The following GAS1 variants were observed in gnomAD, a reference collection of about 807,000 sequenced individuals.
GAS1 encodes the protein growth arrest specific 1, also known as growth arrest-specific protein 1.
GAS1 carries 10 observed loss-of-function variants against 21.6 expected under a neutral mutation model. That is an observed-to-expected ratio of 0.46 (90% CI 0.29 to 0.79). GAS1 has a LOEUF of 0.79. Among genes scored for constraint, GAS1 ranks in the 30% least tolerant of loss-of-function variants. The pLI is 0.10. For missense variants in GAS1, 567 were observed against 544.3 expected (o/e 1.04, Z -0.42); for synonymous variants, 332 against 264.0 (o/e 1.26, Z -2.50).
Position 86,946,951 on chromosome 9 carries a change from C to CT in GAS1, c.-173dup, listed in dbSNP as rs1282354092. The stretch of plus-strand genomic sequence containing the variant: ...TGCCCCGCTGGTGGCAGAAGGTCCC[C>CT]TTTCGCTCTGGCTGCGGTGGCTTCC... On this transcript the variant is annotated 5_prime_UTR_variant, in exon 1 of 1. Coordinates refer to ENST00000298743, the MANE Select transcript of GAS1 (RefSeq NM_002048.3). This position sits in a 1 kb window ranked among gnomAD's most constrained non-coding sequence, Gnocchi z 5.2. 2 of 336,888 alleles carry CT rather than the reference C, an allele frequency of 5.9e-6. No individual in the cohort carries two copies. Among genetic ancestry groups the CT allele is most frequent in the Non-Finnish European group, 1.1e-5 (2 of 178,374 alleles). 20.9% of individuals were successfully genotyped at this position (336,888 alleles called of 1,614,324 possible).
At position 86,946,607 on chromosome 9, in the gene GAS1, T is replaced by TC; in HGVS notation, c.172dup (p.Glu58GlyfsTer72). ...GTTGTAGGCGTAGCTGCACTCCGGC[T>TC]CCCCCTGGCACTGCAGCAGCGCCTG... On this transcript the variant is annotated frameshift_variant, in exon 1 of 1. Transcript: ENST00000298743. LOFTEE classifies it high-confidence loss of function. The surrounding 1 kb of genome is among the most constrained non-coding windows in gnomAD (Gnocchi z 5.2). The TC allele has an allele frequency of 6.9e-7, 1 of 1,448,904 alleles. No individual in the cohort carries two copies. The highest frequency in any genetic ancestry group is 1.3e-5 in the South Asian group (1 of 75,870). The allele number at this position is 1,448,904 out of a possible 1,614,324, so 89.8% of individuals were successfully genotyped here.
At position 86,947,030 on chromosome 9, in the gene GAS1, C is replaced by T; in HGVS notation, c.-251G>A. On this transcript the variant is annotated 5_prime_UTR_variant, in exon 1 of 1. Coordinates refer to ENST00000298743, the MANE Select transcript of GAS1 (RefSeq NM_002048.3). ...CCCGCTCTCCCACCCGAGAGCCCTC[C>T]GCTCGGCCCCCGGTGGTGGCGGGAG... The T allele has an allele frequency of 3.6e-6, 1 of 280,268 alleles. No homozygotes were observed. Among genetic ancestry groups the T allele is most frequent in the Non-Finnish European group, 7.0e-6 (1 of 142,970 alleles). 17.4% of individuals were successfully genotyped at this position (280,268 alleles called of 1,614,324 possible). A position where few individuals can be genotyped will look rare whatever the true frequency, so the allele number is the denominator to read the frequency against.
In GAS1 at chr9:86,946,133, G is replaced by T; in HGVS notation, c.647C>A (p.Ala216Glu). Reference protein sequence around the residue: ...VIEDMLAMPKAALLNDCVCDG... With the variant: ...VIEDMLAMPKEALLNDCVCDG... ...GCACACGCAGTCGTTGAGCAGCGCC[G>T]CCTTGGGCATAGCCAGCATGTCCTC... The change falls in exon 1 of 1, where the codon GCG (alanine) becomes GAG (glutamate). Residue 216 changes from alanine (A) to glutamate (E), a missense_variant. Coordinates refer to ENST00000298743, the MANE Select transcript of GAS1 (RefSeq NM_002048.3). This position sits in a 1 kb window ranked among gnomAD's most constrained non-coding sequence, Gnocchi z 5.2. 1 of 1,609,082 alleles carries T rather than the reference G, an allele frequency of 6.2e-7. No individual in the cohort carries two copies.
Position 86,945,639 on chromosome 9 carries a change from T to A in GAS1, c.*103A>T. 3.5e-6 allele frequency: 4 copies of A among 1,150,330 alleles called. No homozygotes were observed. The highest frequency in any genetic ancestry group is 3.4e-6 in the Non-Finnish European group (3 of 872,562). The allele number at this position is 1,150,330 out of a possible 1,614,324, so 71.3% of individuals were successfully genotyped here. ...AAGTTTTGGGAAGTATCCCCAACCA[T>A]CCCTTCTATCTGTCCCAAGCCACAG... is the stretch of plus-strand genomic sequence containing the variant. On this transcript the variant is annotated 3_prime_UTR_variant, in exon 1 of 1. Coordinates refer to ENST00000298743, the MANE Select transcript of GAS1 (RefSeq NM_002048.3).
In GAS1 at chr9:86,946,352, A is replaced by G. The variant is rs1277548531; in HGVS notation, c.428T>C (p.Ile143Thr). Residue 143 changes from isoleucine to threonine, a missense_variant, in exon 1 of 1, where the codon ATT becomes ACT. Transcript: ENST00000298743. The surrounding 1 kb of genome is among the most constrained non-coding windows in gnomAD (Gnocchi z 5.2). Reference sequence around the variant, plus strand: ...GCTCGTCCGGGGCAGGCACGGCTCAATGGCGCGCTTGGTGGACTTGCAGTT... The same window carrying G: ...GCTCGTCCGGGGCAGGCACGGCTCAGTGGCGCGCTTGGTGGACTTGCAGTT... ...DENCKSTKRA[I>T]EPCLPRTSGG... The G allele has an allele frequency of 1.4e-6, 2 of 1,465,430 alleles. No homozygotes were observed. Among genetic ancestry groups the G allele is most frequent in the Non-Finnish European group, 1.8e-6 (2 of 1,110,908 alleles). 90.8% of individuals were successfully genotyped at this position (1,465,430 alleles called of 1,614,324 possible).
chr9:86,945,824 C>T lies in GAS1; in HGVS notation c.956G>A (p.Gly319Asp), dbSNP rs1355462021. 3.3e-6 allele frequency: 5 copies of T among 1,514,794 alleles called. No homozygotes were observed. The East Asian group carries it at 1.3e-4, about 40-fold the overall frequency. The allele number at this position is 1,514,794 out of a possible 1,614,324, so 93.8% of individuals were successfully genotyped here. The change falls in exon 1 of 1, where the codon GGC becomes GAC. Residue 319 changes from glycine (G) to aspartate (D), a missense_variant. Coordinates refer to ENST00000298743, the MANE Select transcript of GAS1 (RefSeq NM_002048.3). ...CCGGGGCGCCAAGCGGCCGCCGCCG[C>T]CGCTGCTCCTGCGCCCAGGCCCATA... ...LPYGPGRRSS[G>D]GGGRLAPRGA...
At position 86,947,331 on chromosome 9, in the gene GAS1, C is replaced by T. The variant is rs1038919446; in HGVS notation, c.-552G>A. ...TTCCCGCGGCCCGGCCGCCCCGCGT[C>T]CCCTCCCCCTCCGCCCGCGGCAACC... On this transcript the variant is annotated 5_prime_UTR_variant, in exon 1 of 1. Transcript: ENST00000298743. 1.1e-4 allele frequency: 17 copies of T among 151,612 alleles called. No individual in the cohort carries two copies. Among genetic ancestry groups the T allele is most frequent in the Non-Finnish European group, 2.1e-4 (14 of 67,886 alleles). 9.4% of individuals were successfully genotyped at this position (151,612 alleles called of 1,614,324 possible). A position where few individuals can be genotyped will look rare whatever the true frequency, so the allele number is the denominator to read the frequency against.
Position 86,947,069 on chromosome 9 carries a change from C to A in GAS1, c.-290G>T. ...TGGTGGCGGGAGAGGCTCACTGTCG[C>A]CCCGGGGGGGTGCGGGCCGCGGGGC... On this transcript the variant is annotated 5_prime_UTR_variant, in exon 1 of 1. Coordinates refer to ENST00000298743, the MANE Select transcript of GAS1 (RefSeq NM_002048.3). 4.2e-6 allele frequency: 1 copy of A among 240,336 alleles called. No individual in the cohort carries two copies. Among genetic ancestry groups the A allele is most frequent in the Non-Finnish European group, 8.5e-6 (1 of 117,610 alleles). The allele number at this position is 240,336 out of a possible 1,614,324, so 14.9% of individuals were successfully genotyped here.
In GAS1 at chr9:86,944,609, A is replaced by G. The variant is rs1825453418; in HGVS notation, c.*1133T>C. 6.6e-6 allele frequency: 1 copy of G among 152,222 alleles called. No homozygotes were observed. Among genetic ancestry groups the G allele is most frequent in the African/African-American group, 2.4e-5 (1 of 41,458 alleles). The allele number at this position is 152,222 out of a possible 1,614,324, so 9.4% of individuals were successfully genotyped here. A position where few individuals can be genotyped will look rare whatever the true frequency, so the allele number is the denominator to read the frequency against. On this transcript the variant is annotated 3_prime_UTR_variant, in exon 1 of 1. Coordinates refer to ENST00000298743, the MANE Select transcript of GAS1 (RefSeq NM_002048.3). ...TACATTTTAAGACTGTTCTAAATATAGCACACTTCACAATGGACTGTGGGT... is the reference window on the plus strand; with the variant it reads ...TACATTTTAAGACTGTTCTAAATATGGCACACTTCACAATGGACTGTGGGT...
Position 86,946,413 on chromosome 9 carries a change from G to C in GAS1, c.367C>G (p.Pro123Ala). 1.3e-6 allele frequency: 2 copies of C among 1,491,896 alleles called. No individual in the cohort carries two copies. The highest frequency in any genetic ancestry group is 2.8e-5 in the East Asian group (1 of 36,354). 92.4% of individuals were successfully genotyped at this position (1,491,896 alleles called of 1,614,324 possible). A position where few individuals can be genotyped will look rare whatever the true frequency, so the allele number is the denominator to read the frequency against. ...LIQLNHTRRG[P>A]ALEDCDCAQD... ...GCGCAGTCACAGTCCTCCAGGGCGG[G>C]CCCGCGGCGCGTGTGGTTGAGCTGA... Residue 123 changes from proline (P) to alanine (A), a missense_variant, in exon 1 of 1, where the codon CCC (proline) becomes GCC (alanine). Physicochemically the swap from Pro to Ala is conservative, Grantham distance 27 (BLOSUM62 -1). Coordinates refer to ENST00000298743, the MANE Select transcript of GAS1 (RefSeq NM_002048.3). This position sits in a 1 kb window ranked among gnomAD's most constrained non-coding sequence, Gnocchi z 5.2.
At position 86,946,380 on chromosome 9, in the gene GAS1, C is replaced by T. The variant is rs774972884; in HGVS notation, c.400G>A (p.Glu134Lys). 1.9e-5 allele frequency: 28 copies of T among 1,478,724 alleles called. No individual in the cohort carries two copies. The highest frequency in any genetic ancestry group is 6.6e-5 in the Admixed American group (3 of 45,498). 91.6% of individuals were successfully genotyped at this position (1,478,724 alleles called of 1,614,324 possible). ...ALEDCDCAQD[E>K]NCKSTKRAIE... ...GCGCGCTTGGTGGACTTGCAGTTCT[C>T]GTCCTGCGCGCAGTCACAGTCCTCC... The change falls in exon 1 of 1, where the codon GAG becomes AAG. Residue 134 changes from glutamate (E) to lysine (K), a missense_variant. Coordinates refer to ENST00000298743, the MANE Select transcript of GAS1 (RefSeq NM_002048.3). The surrounding 1 kb of genome is among the most constrained non-coding windows in gnomAD (Gnocchi z 5.2).
In GAS1 at chr9:86,945,732, G is replaced by A. The variant is rs758991804; in HGVS notation, c.*10C>T. Reference sequence around the variant, plus strand: ...GGCTCTCCCGCAGCCAACGGCGGGGGGCGCGAGGGCTAAAAGAGCGGCCCA... The same window carrying A: ...GGCTCTCCCGCAGCCAACGGCGGGGAGCGCGAGGGCTAAAAGAGCGGCCCA... On this transcript the variant is annotated 3_prime_UTR_variant, in exon 1 of 1. Coordinates refer to ENST00000298743, the MANE Select transcript of GAS1 (RefSeq NM_002048.3). 4 of 1,529,730 alleles carry A rather than the reference G, an allele frequency of 2.6e-6. No homozygotes were observed. Among genetic ancestry groups the A allele is most frequent in the African/African-American group, 1.4e-5 (1 of 70,506 alleles). The allele number at this position is 1,529,730 out of a possible 1,614,324, so 94.8% of individuals were successfully genotyped here.
chr9:86,946,684 G>T lies in GAS1; in HGVS notation c.96C>A (p.Gly32=). ...LCLMALLQLL[G]SAPRGSGLAH... ...CCAGCCCCGATCCCCGCGGCGCCGA[G>T]CCCAGCAGCTGCAGCAGCGCCATCA... The change falls in exon 1 of 1, where the codon GGC becomes GGA. Residue 32 remains glycine (G), a synonymous_variant. Transcript: ENST00000298743. The surrounding 1 kb of genome is among the most constrained non-coding windows in gnomAD (Gnocchi z 5.2). 1 of 1,417,986 alleles carries T rather than the reference G, an allele frequency of 7.1e-7. No homozygotes were observed. The highest frequency in any genetic ancestry group is 9.2e-7 in the Non-Finnish European group (1 of 1,084,866). 87.8% of individuals were successfully genotyped at this position (1,417,986 alleles called of 1,614,324 possible).
chr9:86,946,642 G>A lies in GAS1; in HGVS notation c.138C>T (p.Leu46=), dbSNP rs377687768. The change falls in exon 1 of 1, where the codon CTC becomes CTT. Residue 46 remains leucine (L), a synonymous_variant. Transcript: ENST00000298743. This position sits in a 1 kb window ranked among gnomAD's most constrained non-coding sequence, Gnocchi z 5.2. ...ACTGCAGCAGCGCCTGCCAGCAGATGAGGCGGCGGCCGTGCGCCAGCCCCG... is the reference window on the plus strand; with the variant it reads ...ACTGCAGCAGCGCCTGCCAGCAGATAAGGCGGCGGCCGTGCGCCAGCCCCG... ...RGSGLAHGRR[L]ICWQALLQCQ... is the part of the protein sequence containing the mutation. The A allele has an allele frequency of 6.2e-6, 9 of 1,448,262 alleles. No individual in the cohort carries two copies. Among genetic ancestry groups the A allele is most frequent in the Admixed American group, 4.7e-5 (2 of 42,728 alleles). The allele number at this position is 1,448,262 out of a possible 1,614,324, so 89.7% of individuals were successfully genotyped here. A position where few individuals can be genotyped will look rare whatever the true frequency, so the allele number is the denominator to read the frequency against.
chr9:86,946,810 G>C lies in GAS1; in HGVS notation c.-31C>G. ...GCAGCGGCGGCCGCCGGGAGAGGAG[G>C]GGAAAGGAGACGAGGCGCGGGGAGC... On this transcript the variant is annotated 5_prime_UTR_variant, in exon 1 of 1. Coordinates refer to ENST00000298743, the MANE Select transcript of GAS1 (RefSeq NM_002048.3). The surrounding 1 kb of genome is among the most constrained non-coding windows in gnomAD (Gnocchi z 5.2). 4.5e-6 allele frequency: 3 copies of C among 663,066 alleles called. No homozygotes were observed. Among genetic ancestry groups the C allele is most frequent in the Non-Finnish European group, 6.8e-6 (3 of 440,984 alleles). 41.1% of individuals were successfully genotyped at this position (663,066 alleles called of 1,614,324 possible).
chr9:86,945,716 G>A lies in GAS1; in HGVS notation c.*26C>T, dbSNP rs1030067541. ...ACGGGAGTGGGACGCGGGCTCTCCC[G>A]CAGCCAACGGCGGGGGGCGCGAGGG... On this transcript the variant is annotated 3_prime_UTR_variant, in exon 1 of 1. Transcript: ENST00000298743. 3.3e-6 allele frequency: 5 copies of A among 1,517,834 alleles called. No individual in the cohort carries two copies. The highest frequency in any genetic ancestry group is 2.9e-5 in the African/African-American group (2 of 69,878). 94.0% of individuals were successfully genotyped at this position (1,517,834 alleles called of 1,614,324 possible). A position where few individuals can be genotyped will look rare whatever the true frequency, so the allele number is the denominator to read the frequency against.
Position 86,946,510 on chromosome 9 carries a change from G to T in GAS1, c.270C>A (p.Ala90=). ...AAGAGGCGGCCGAGGCCGGGAAAGC[G>T]GCGGCGGCGGCCCCGGGCGCGTCGC... The part of the protein sequence containing the change: ...GGGDAPGAAA[A]AFPASAASFS... Residue 90 remains alanine, a synonymous_variant, in exon 1 of 1, where the codon GCC becomes GCA. Transcript: ENST00000298743. The surrounding 1 kb of genome is among the most constrained non-coding windows in gnomAD (Gnocchi z 5.2). 10 of 1,434,810 alleles carry T rather than the reference G, an allele frequency of 7.0e-6. No individual in the cohort carries two copies. The highest frequency in any genetic ancestry group is 9.1e-6 in the Non-Finnish European group (10 of 1,094,566). 88.9% of individuals were successfully genotyped at this position (1,434,810 alleles called of 1,614,324 possible). A position where few individuals can be genotyped will look rare whatever the true frequency, so the allele number is the denominator to read the frequency against.
In GAS1 at chr9:86,944,435, T is replaced by C. The variant is rs1184246586; in HGVS notation, c.*1307A>G. On this transcript the variant is annotated 3_prime_UTR_variant, in exon 1 of 1. Coordinates refer to ENST00000298743, the MANE Select transcript of GAS1 (RefSeq NM_002048.3). ...TAACCAAAAAAAATACACAAATCCA[T>C]AGTTATTTAAAAACTTAGGATTTTT... 1.3e-5 allele frequency: 2 copies of C among 152,166 alleles called. No individual in the cohort carries two copies. The highest frequency in any genetic ancestry group is 4.8e-5 in the African/African-American group (2 of 41,438). The allele number at this position is 152,166 out of a possible 1,614,324, so 9.4% of individuals were successfully genotyped here.
At position 86,945,467 on chromosome 9, in the gene GAS1, T is replaced by C. The variant is rs569121100; in HGVS notation, c.*275A>G. The C allele has an allele frequency of 5.8e-6, 2 of 345,188 alleles. No individual in the cohort carries two copies. Among genetic ancestry groups the C allele is most frequent in the Admixed American group, 4.8e-5 (1 of 20,716 alleles). The allele number at this position is 345,188 out of a possible 1,614,324, so 21.4% of individuals were successfully genotyped here. A position where few individuals can be genotyped will look rare whatever the true frequency, so the allele number is the denominator to read the frequency against. ...GACGTCCTGAACACTGCAGCTAGCT[T>C]TCTGGACGGCAGACGAGTTGGGAGT... On this transcript the variant is annotated 3_prime_UTR_variant, in exon 1 of 1. Transcript: ENST00000298743.
Sources: allele counts gnomAD v4.1 joint callset, GRCh38; gene constraint gnomAD v4.1.1; non-coding constraint Gnocchi (gnomAD v3.1); transcripts MANE v1.5; gene names NCBI Gene and HGNC (gene_info 2026-07-23, HGNC 2026-07-21).